Variants in PLPP3 observed in about 807,000 individuals in gnomAD.
PLPP3 encodes the protein PAP2 beta.
A neutral mutation model predicts 29.6 loss-of-function variants in PLPP3; 6 were observed. The observed-to-expected ratio is 0.20, with a 90% CI of 0.11 to 0.40. The LOEUF is 0.40. Among genes scored for constraint, PLPP3 ranks in the 10% least tolerant of loss-of-function variants. The pLI is 1.00. For missense variants in PLPP3, 308 were observed against 407.7 expected (o/e 0.76, Z 2.11); for synonymous variants, 152 against 159.7 (o/e 0.95, Z 0.36).
intron 5 of PLPP3, among the ~76,000 whole-genome samples, chr1:56,499,560 T>C (rs901242683): frequency 6.6e-6 from 1 of 152,264 alleles, no homozygotes; most frequent in South Asian, 2.1e-4. Flanking sequence ...TTATTGACAA[T>C]ACAACTCCTA....
intron 2 of PLPP3, among the ~76,000 whole-genome samples, chr1:56,535,139 C>T (rs893073567): frequency 2.6e-5 from 4 of 152,112 alleles, no homozygotes; most frequent in African/African-American, 9.7e-5. Flanking sequence ...ATTCTCAAAA[C>T]CTTAGTAAGT....
At chr1:56,523,038 G>A (rs2100248006) in intron 4 of PLPP3, among the ~76,000 whole-genome samples, 1 of 152,276 alleles carries the variant, frequency 6.6e-6, no homozygotes, top group African/African-American at 2.4e-5. Context: ...AAGAGCATGG[G>A]AATCAAATCA....
rs960257537 is a variant in PLPP3 at position 56,575,015 on chromosome 1, T to G, written c.139+3863A>C. Among the ~76,000 whole-genome samples the G allele has an allele frequency of 4.6e-5, 7 of 152,328 alleles. No homozygotes were observed. The East Asian group carries it at 1.3e-3, about 29-fold the overall frequency. The stretch of plus-strand genomic sequence containing the variant: ...AGTGGCAGTACAAGACTATAATGAC[T>G]GTCTCTAGTTTGTGATGATTCACAG... On this transcript the variant is annotated intron_variant, in intron 1 of 5. Coordinates refer to ENST00000371250, the MANE Select transcript of PLPP3 (RefSeq NM_003713.5).
chr1:56,545,761 G>A (rs1395884351), intron 1 of PLPP3, among the ~76,000 whole-genome samples: 1 of 152,174 alleles, frequency 6.6e-6, no homozygotes, highest in Non-Finnish European at 1.5e-5. Context: ...TGCTACCCAG[G>A]TGTACACAAA....
chr1:56,516,961 C>T (rs765095276), intron 4 of PLPP3: 13 of 152,214 alleles, frequency 8.5e-5, no homozygotes, highest in Admixed American at 3.9e-4. Flanking sequence ...TCCAACAAAA[C>T]CTCCTTAGAA....
chr1:56,498,459 C>A (rs1205109370), intron 5 of PLPP3, among the ~76,000 whole-genome samples: 2 of 152,164 alleles, frequency 1.3e-5, no homozygotes, highest in African/African-American at 4.8e-5. Flanking sequence ...CCAGCCCCAG[C>A]TCCACATTTT....
chr1:56,566,066 T>C (rs1041957771), intron 1 of PLPP3, among the ~76,000 whole-genome samples: 1 of 152,232 alleles, frequency 6.6e-6, no homozygotes, highest in Non-Finnish European at 1.5e-5. Context: ...GCTGATGCTG[T>C]GAGTTAGGCT....
At chr1:56,542,769 C>A (rs1003001957) in intron 1 of PLPP3, among the ~76,000 whole-genome samples, 5 of 152,206 alleles carry the variant, frequency 3.3e-5, no homozygotes, top group African/African-American at 1.2e-4. Flanking sequence ...TTTCTGTAAT[C>A]CTAGCCCTTT....
intron 1 of PLPP3, among the ~76,000 whole-genome samples, chr1:56,550,611 G>C (rs961521298): frequency 1.2e-4 from 18 of 152,106 alleles, no homozygotes; most frequent in African/African-American, 4.1e-4. Context: ...AAGCCCAAGG[G>C]GGGTTCAGGC....
chr1:56,534,739 T>C (rs1014079518), intron 2 of PLPP3, among the ~76,000 whole-genome samples: 5 of 152,152 alleles, frequency 3.3e-5, no homozygotes, highest in African/African-American at 1.2e-4. Flanking sequence ...CCCCTCCACC[T>C]CTGAGGTCTT....
At chr1:56,522,516 A>C (rs557813699) in intron 4 of PLPP3, among the ~76,000 whole-genome samples, 14 of 152,308 alleles carry the variant, frequency 9.2e-5, no homozygotes, top group Admixed American at 9.1e-4. Context: ...CAAAACAAAA[A>C]AAAAGATGAA....
chr1:56,508,632 C>T (rs1431465172), intron 5 of PLPP3, among the ~76,000 whole-genome samples: 2 of 152,164 alleles, frequency 1.3e-5, no homozygotes, highest in African/African-American at 4.8e-5. Context: ...CCTGGGACAG[C>T]GGCCCTGATT....
At chr1:56,565,721 T>G (rs1244975424) in intron 1 of PLPP3, among the ~76,000 whole-genome samples, 1 of 152,104 alleles carries the variant, frequency 6.6e-6, no homozygotes, top group Non-Finnish European at 1.5e-5. Flanking sequence ...GCGCCTGGCC[T>G]AAAGCCCCTC....
At chr1:56,535,321 C>T (rs927403284) in intron 2 of PLPP3, among the ~76,000 whole-genome samples, 2 of 152,164 alleles carry the variant, frequency 1.3e-5, no homozygotes, top group African/African-American at 4.8e-5. Context: ...GGGTGAAATG[C>T]ATCCACATTT....
In PLPP3 at chr1:56,574,198, CA is replaced by C. The variant is rs796800020; in HGVS notation, c.139+4679del. 3.0e-3 allele frequency among the ~76,000 whole-genome samples: 326 copies of C among 109,864 alleles called. 1 individual carries two copies. Among genetic ancestry groups the C allele is most frequent in the African/African-American group, 4.3e-3 (124 of 28,858 alleles). The allele number at this position is 109,864 out of a possible 152,430, so 72.1% of individuals were successfully genotyped here. On this transcript the variant is annotated intron_variant, in intron 1 of 5. Coordinates refer to ENST00000371250, the MANE Select transcript of PLPP3 (RefSeq NM_003713.5). The stretch of plus-strand genomic sequence containing the variant: ...CTGGGTGACAGAGAAGACTCTGTCT[CA>C]AAAAAAAAAAAAAACCCTAACCATT...
chr1:56,567,393 C>CTTT (rs1172831045), intron 1 of PLPP3, among the ~76,000 whole-genome samples: 1,532 of 116,904 alleles, frequency 0.013, 68 homozygotes, highest in East Asian at 0.079. Context: ...TAAGGTATTT[C>CTTT]TTTTTTTTTT....
intron 4 of PLPP3, among the ~76,000 whole-genome samples, chr1:56,516,037 G>A (rs1645778414): frequency 6.6e-6 from 1 of 152,102 alleles, no homozygotes; most frequent in African/African-American, 2.4e-5. Context: ...CAATGACTGT[G>A]GCAATTTCAC....
At chr1:56,528,466 A>G (rs139833752) in intron 2 of PLPP3, among the ~76,000 whole-genome samples, 50 of 152,286 alleles carry the variant, frequency 3.3e-4, no homozygotes, top group African/African-American at 1.1e-3. Flanking sequence ...ACAACGTTGT[A>G]GCCAGAAAAA....
rs1222100005 is a variant in PLPP3 at position 56,557,108 on chromosome 1, G to A, written c.140-19996C>T. Among the ~76,000 whole-genome samples, 4 of 149,298 alleles carry A rather than the reference G, an allele frequency of 2.7e-5. 1 individual carries two copies. The highest frequency in any genetic ancestry group is 6.0e-5 in the Non-Finnish European group (4 of 67,188). On this transcript the variant is annotated intron_variant, in intron 1 of 5. Coordinates refer to ENST00000371250, the MANE Select transcript of PLPP3 (RefSeq NM_003713.5). The stretch of plus-strand genomic sequence containing the variant: ...AGAGAGAGAGAAAGAGGCTGGGTGC[G>A]GTGGCTCATGCCTGTAATCCCAACA...
Sources: allele counts gnomAD v4.1 joint callset (sites outside exome capture counted in the v4.1 genomes callset), GRCh38; gene constraint gnomAD v4.1.1; transcripts MANE v1.5; gene names NCBI Gene and HGNC (gene_info 2026-07-23, HGNC 2026-07-21).